Variants in ATP13A5 observed in about 807,000 individuals in gnomAD.
ATP13A5 encodes the protein ATPase 13A5.
In ATP13A5, 149 loss-of-function variants were observed where a neutral mutation model predicts 150.2. That is an observed-to-expected ratio of 0.99 (90% confidence interval 0.87 to 1.14). The LOEUF is 1.14. Ranked by LOEUF, ATP13A5 falls within the 50% of genes most tolerant of loss-of-function variation. The probability of loss-of-function intolerance (pLI) is 0.00; values close to 1 mark genes in which losing one functional copy is unlikely to be tolerated. For synonymous variants in ATP13A5, 497 were observed against 522.2 expected (o/e 0.95, Z 0.66); for missense variants, 1,383 against 1,449.3 (o/e 0.95, Z 0.74).
Position 193,307,218 on chromosome 3 carries a change from T to C in ATP13A5, c.2568+109A>G, listed in dbSNP as rs1461901900. 3 of 1,579,592 alleles carry C rather than the reference T, an allele frequency of 1.9e-6. No individual in the cohort carries two copies. In the East Asian group the frequency reaches 6.8e-5, roughly 36 times the overall value. ...GAGGTGGATATAAACAGCAAAATAATCAAATGGTTGCTGGTGGAAGGATGA... is the reference window on the plus strand; with the variant it reads ...GAGGTGGATATAAACAGCAAAATAACCAAATGGTTGCTGGTGGAAGGATGA... On this transcript the variant is annotated intron_variant, in intron 22 of 29. Coordinates refer to ENST00000342358, the MANE Select transcript of ATP13A5 (RefSeq NM_198505.4).
intron 12 of ATP13A5, among the ~76,000 whole-genome samples, chr3:193,330,756 G>A (rs970186746): frequency 5.3e-5 from 8 of 152,196 alleles, no homozygotes; most frequent in African/African-American, 1.9e-4. Flanking sequence ...AGAGGAAACA[G>A]ATTCACTTAT....
chr3:193,275,688 G>T (rs1717164130), intron 29 of ATP13A5, among the ~76,000 whole-genome samples: 1 of 152,162 alleles, frequency 6.6e-6, no homozygotes, highest in African/African-American at 2.4e-5. Context: ...AGCGTTTGTT[G>T]AATAAAGTGT....
intron 5 of ATP13A5, among the ~76,000 whole-genome samples, chr3:193,357,785 A>G (rs1477593004): frequency 1.3e-5 from 2 of 152,198 alleles, no homozygotes. Flanking sequence ...TCTCAGCAGG[A>G]AACCTGTGGA....
chr3:193,339,834 A>G (rs1240214449), intron 9 of ATP13A5, among the ~76,000 whole-genome samples: 1 of 152,174 alleles, frequency 6.6e-6, no homozygotes, highest in Admixed American at 6.5e-5. Context: ...TCCACAATAT[A>G]TACTTAGGCT....
At chr3:193,363,841 A>C (rs1713133438) in intron 2 of ATP13A5, among the ~76,000 whole-genome samples, 1 of 152,196 alleles carries the variant, frequency 6.6e-6, no homozygotes, top group Admixed American at 6.5e-5. Context: ...GTAATGGCTA[A>C]GAGCACTCCC....
chr3:193,364,773 C>T (rs773546164), intron 1 of ATP13A5, among the ~76,000 whole-genome samples: 6 of 151,914 alleles, frequency 3.9e-5, no homozygotes, highest in Admixed American at 6.6e-5. Flanking sequence ...TGATTGAGGA[C>T]GACGGAAAGT....
At chr3:193,304,135 C>A (rs1408512560) in intron 23 of ATP13A5, among the ~76,000 whole-genome samples, 1 of 152,072 alleles carries the variant, frequency 6.6e-6, no homozygotes, top group Non-Finnish European at 1.5e-5. Flanking sequence ...AGATACTCTG[C>A]AAAATAAATC....
chr3:193,318,926 C>G, intron 17 of ATP13A5, 65 bp downstream of exon 17: 1 of 1,113,734 alleles, frequency 9.0e-7, no homozygotes, highest in South Asian at 1.3e-5. Flanking sequence ...TTCATCTGTT[C>G]ATCTCCAGGA....
chr3:193,355,057 C>A (rs560265104), intron 5 of ATP13A5, among the ~76,000 whole-genome samples: 1 of 151,510 alleles, frequency 6.6e-6, no homozygotes, highest in African/African-American at 2.4e-5. Flanking sequence ...CTCTGCCTCC[C>A]GAGTAGCTGG....
intron 27 of ATP13A5, among the ~76,000 whole-genome samples, chr3:193,280,353 C>T (rs1248550984): frequency 4.6e-5 from 7 of 152,066 alleles, no homozygotes; most frequent in African/African-American, 1.7e-4. Flanking sequence ...CCCTGGCCTC[C>T]AATTTTTCTT....
At chr3:193,279,691 C>T (rs1187822439) in intron 27 of ATP13A5, among the ~76,000 whole-genome samples, 1 of 152,032 alleles carries the variant, frequency 6.6e-6, no homozygotes, top group Admixed American at 6.5e-5. Context: ...TTAAAGTAAC[C>T]TCCATAAAGC....
intron 19 of ATP13A5, among the ~76,000 whole-genome samples, chr3:193,312,294 T>A (rs1718885157): frequency 6.6e-6 from 1 of 152,202 alleles, no homozygotes; most frequent in Non-Finnish European, 1.5e-5. Context: ...TCATGCAACC[T>A]TATATTTTCT....
intron 17 of ATP13A5, among the ~76,000 whole-genome samples, chr3:193,317,859 G>A (rs531781072): frequency 6.6e-6 from 1 of 152,286 alleles, no homozygotes; most frequent in East Asian, 1.9e-4. Flanking sequence ...GCGTTTGTAT[G>A]TGACAGCTGG....
chr3:193,347,099 C>T (rs189059527), intron 7 of ATP13A5, among the ~76,000 whole-genome samples: 25 of 152,242 alleles, frequency 1.6e-4, no homozygotes, highest in Admixed American at 1.6e-3. Flanking sequence ...CCTTCAAGCT[C>T]TAAAATGATA....
intron 10 of ATP13A5, among the ~76,000 whole-genome samples, 169 bp downstream of exon 10, chr3:193,334,760 C>A (rs1032512331): frequency 1.3e-5 from 2 of 152,146 alleles, no homozygotes; most frequent in African/African-American, 2.4e-5. Context: ...ACCAATAAAC[C>A]ATTTAATTAA....
intron 12 of ATP13A5, among the ~76,000 whole-genome samples, chr3:193,330,438 C>A (rs1214546881): frequency 6.6e-6 from 1 of 152,250 alleles, no homozygotes; most frequent in Non-Finnish European, 1.5e-5. Context: ...CAAAAGGGAC[C>A]CAGCCAGGCC....
At chr3:193,300,912 T>A (rs981367785) in intron 24 of ATP13A5, among the ~76,000 whole-genome samples, 6 of 152,200 alleles carry the variant, frequency 3.9e-5, no homozygotes. Context: ...TGCTGAATTA[T>A]ACTTAGGCTG....
chr3:193,334,469 G>A (rs568286861), intron 10 of ATP13A5, among the ~76,000 whole-genome samples: 1 of 152,324 alleles, frequency 6.6e-6, no homozygotes, highest in South Asian at 2.1e-4. Context: ...AGTCAATACA[G>A]GAGGATGAAT....
intron 23 of ATP13A5, among the ~76,000 whole-genome samples, chr3:193,302,991 C>T (rs1387615458): frequency 1.3e-5 from 2 of 152,186 alleles, no homozygotes; most frequent in Non-Finnish European, 2.9e-5. Context: ...GTACACTGCA[C>T]TCATAAATGC....
Sources: allele counts gnomAD v4.1 joint callset (sites outside exome capture counted in the v4.1 genomes callset), GRCh38; gene constraint gnomAD v4.1.1; transcripts MANE v1.5; gene names NCBI Gene and HGNC (gene_info 2026-07-23, HGNC 2026-07-21).